MACROD2: variants seen among roughly 807,000 people sequenced by gnomAD.
MACROD2 encodes the protein ADP-ribose glycohydrolase MACROD2.
MACROD2 carries 36 observed loss-of-function variants against 70.4 expected under a neutral mutation model. The ratio of observed to expected loss-of-function variants is 0.51; its 90% CI spans 0.39 to 0.68. MACROD2 has a LOEUF of 0.68. MACROD2 is among the 30% of genes least tolerant of loss of function. The probability of loss-of-function intolerance (pLI) is 0.00; values close to 1 mark genes in which losing one functional copy is unlikely to be tolerated. For missense variants in MACROD2, 496 were observed against 538.4 expected (o/e 0.92, Z 0.78); for synonymous variants, 172 against 178.8 (o/e 0.96, Z 0.30).
intron 5 of MACROD2, among the ~76,000 whole-genome samples, chr20:14,862,552 T>TATAA (rs1568841043): frequency 2.1e-4 from 3 of 14,086 alleles, no homozygotes; most frequent in Non-Finnish European, 3.8e-4. Flanking sequence ...TAAAAATATA[T>TATAA]ATATAAATAT....
intron 3 of MACROD2, among the ~76,000 whole-genome samples, chr20:14,341,774 T>C (rs1199969671): frequency 6.6e-6 from 1 of 152,200 alleles, no homozygotes; most frequent in Non-Finnish European, 1.5e-5. Context: ...TGGGAATCCA[T>C]TGGTTCATGT....
chr20:14,235,986 A>G (rs985863656), intron 3 of MACROD2, among the ~76,000 whole-genome samples: 2 of 152,126 alleles, frequency 1.3e-5, no homozygotes, highest in Non-Finnish European at 1.5e-5. Context: ...CAGTTAACCC[A>G]CTGATGTGTA....
chr20:15,939,948 G>A (rs1040294447), intron 12 of MACROD2, among the ~76,000 whole-genome samples: 1 of 152,070 alleles, frequency 6.6e-6, no homozygotes, highest in African/African-American at 2.4e-5. Flanking sequence ...AACTAGAAGT[G>A]GAGACTGAAG....
chr20:14,549,098 A>G (rs557397268), intron 4 of MACROD2, among the ~76,000 whole-genome samples: 1 of 152,306 alleles, frequency 6.6e-6, no homozygotes, highest in Admixed American at 6.5e-5. Context: ...GAATGGTCCA[A>G]GTCATGGAGA....
chr20:14,058,406 T>A (rs1437324203), intron 2 of MACROD2, among the ~76,000 whole-genome samples: 1 of 151,590 alleles, frequency 6.6e-6, no homozygotes, highest in African/African-American at 2.4e-5. Context: ...ACCTCTTCTC[T>A]GTCCTCTGTA....
chr20:15,231,945 G>A (rs930285292), intron 6 of MACROD2, among the ~76,000 whole-genome samples: 5 of 152,042 alleles, frequency 3.3e-5, no homozygotes, highest in Non-Finnish European at 7.4e-5. Flanking sequence ...TACACAAAAT[G>A]TGGGAAGAAA....
At chr20:14,412,738 G>A (rs1236439340) in intron 3 of MACROD2, among the ~76,000 whole-genome samples, 1 of 152,140 alleles carries the variant, frequency 6.6e-6, no homozygotes, top group Admixed American at 6.5e-5. Flanking sequence ...TTCTTAGCAT[G>A]GGGTCTGACA....
chr20:15,460,884 G>C (rs549932249), intron 7 of MACROD2, among the ~76,000 whole-genome samples: 1 of 150,662 alleles, frequency 6.6e-6, no homozygotes, highest in African/African-American at 2.4e-5. Flanking sequence ...GAAAACCTAA[G>C]TGTGATGGAG....
chr20:15,956,978 A>T (rs1438371718), intron 12 of MACROD2, among the ~76,000 whole-genome samples: 1 of 152,208 alleles, frequency 6.6e-6, no homozygotes, highest in Non-Finnish European at 1.5e-5. Context: ...TCACTTTCAC[A>T]TGCAAAAATA....
intron 4 of MACROD2, among the ~76,000 whole-genome samples, chr20:14,536,217 A>G (rs888914112): frequency 2.0e-5 from 3 of 152,180 alleles, no homozygotes; most frequent in African/African-American, 7.2e-5. Context: ...TCCATTTAAT[A>G]TAAAATAATT....
intron 2 of MACROD2, among the ~76,000 whole-genome samples, chr20:14,031,061 A>G (rs1206221786): frequency 1.3e-5 from 2 of 152,226 alleles, no homozygotes; most frequent in African/African-American, 2.4e-5. Flanking sequence ...AGTTTTGGCT[A>G]TATATAACTT....
chr20:15,029,626 G>C (rs2075259351), intron 5 of MACROD2, among the ~76,000 whole-genome samples: 1 of 152,136 alleles, frequency 6.6e-6, no homozygotes, highest in Non-Finnish European at 1.5e-5. Context: ...TTTATCAGAA[G>C]CACAAACCAT....
chr20:15,811,224 C>A (rs1295360494), intron 8 of MACROD2, among the ~76,000 whole-genome samples: 2 of 151,256 alleles, frequency 1.3e-5, no homozygotes, highest in South Asian at 2.1e-4. Flanking sequence ...CTACAATGAA[C>A]TCAAACAAAT....
Position 14,711,650 on chromosome 20 carries a change from G to A in MACROD2, c.418+26691G>A, listed in dbSNP as rs2071340132. 2.0e-5 allele frequency among the ~76,000 whole-genome samples: 3 copies of A among 152,042 alleles called. No individual in the cohort carries two copies. The South Asian group carries it at 6.2e-4, about 32-fold the overall frequency. On this transcript the variant is annotated intron_variant, in intron 5 of 17. Coordinates refer to ENST00000684519, the MANE Select transcript of MACROD2 (RefSeq NM_001351661.2). ...GATCAGTGAACTAAATCTAAATGGG[G>A]GCCAAACCTTCAACTTCACCCTCTG...
At chr20:14,390,553 C>G (rs1286163191) in intron 3 of MACROD2, among the ~76,000 whole-genome samples, 2 of 152,132 alleles carry the variant, frequency 1.3e-5, no homozygotes. Context: ...GACACATAGA[C>G]CAATGGAACG....
At chr20:15,671,454 A>G (rs2049978980) in intron 8 of MACROD2, among the ~76,000 whole-genome samples, 1 of 152,180 alleles carries the variant, frequency 6.6e-6, no homozygotes, top group African/African-American at 2.4e-5. Context: ...CTCCCATGGA[A>G]AGGAAATTCA....
At chr20:14,458,491 G>C (rs1011850805) in intron 3 of MACROD2, among the ~76,000 whole-genome samples, 1 of 152,106 alleles carries the variant, frequency 6.6e-6, no homozygotes, top group African/African-American at 2.4e-5. Context: ...CAAAAGCCAG[G>C]CTTCTGATTT....
At chr20:14,778,687 G>T (rs182825428) in intron 5 of MACROD2, among the ~76,000 whole-genome samples, 18 of 152,242 alleles carry the variant, frequency 1.2e-4, no homozygotes, top group South Asian at 4.1e-4. Flanking sequence ...CAGTTAAAGT[G>T]ATTTGGGATG....
At chr20:14,663,380 C>A (rs1233359907) in intron 4 of MACROD2, among the ~76,000 whole-genome samples, 1 of 151,782 alleles carries the variant, frequency 6.6e-6, no homozygotes, top group Non-Finnish European at 1.5e-5. Flanking sequence ...TGAATGGATA[C>A]TAGGCTTAAT....
Sources: allele counts gnomAD v4.1 joint callset (sites outside exome capture counted in the v4.1 genomes callset), GRCh38; gene constraint gnomAD v4.1.1; transcripts MANE v1.5; gene names NCBI Gene and HGNC (gene_info 2026-07-23, HGNC 2026-07-21).